The following RANBP3L variants were observed in gnomAD, a reference collection of about 807,000 sequenced individuals.
The protein encoded by RANBP3L is ran-binding protein 3-like.
RANBP3L carries 56 observed loss-of-function variants against 67.2 expected under a neutral mutation model. The ratio of observed to expected loss-of-function variants is 0.83; its 90% CI spans 0.67 to 1.04. RANBP3L has a LOEUF of 1.04. Among genes scored for constraint, RANBP3L ranks in the 50% least tolerant of loss-of-function variants. The pLI is 0.00. For missense variants in RANBP3L, 496 were observed against 535.5 expected, an observed-to-expected ratio of 0.93 and a Z score of 0.73; for synonymous variants, 164 against 181.4, an observed-to-expected ratio of 0.90 and a Z score of 0.77.
chr5:36,291,152 A>G (rs1751724596), intron 1 of RANBP3L, among the ~76,000 whole-genome samples: 2 of 151,748 alleles, frequency 1.3e-5, no homozygotes, highest in African/African-American at 2.4e-5. Context: ...TGTATAACCA[A>G]TCTCCAGAAC....
rs1748399927 is a variant in RANBP3L, at chr5:36,248,416, T to C, written c.*1238A>G. On this transcript the variant is annotated 3_prime_UTR_variant, in exon 14 of 14. Coordinates refer to ENST00000296604, the MANE Select transcript of RANBP3L (RefSeq NM_145000.5). ...TAATTTAAATTTCATATGCTAAACT[T>C]TCAGGCAGTAGCTGAAGTTTGACTT... 6.6e-6 allele frequency: 1 copy of C among 152,188 alleles called. No individual in the cohort carries two copies. The highest frequency in any genetic ancestry group is 2.4e-5 in the African/African-American group (1 of 41,464). The allele number at this position is 152,188 out of a possible 1,614,324, so 9.4% of individuals were successfully genotyped here.
At position 36,257,573 on chromosome 5, in the gene RANBP3L, A is replaced by G; in HGVS notation, c.670-17T>C. On this transcript the variant is annotated splice_polypyrimidine_tract_variant and intron_variant, in intron 8 of 13. Coordinates refer to ENST00000296604, the MANE Select transcript of RANBP3L (RefSeq NM_145000.5). ...TTGAGTACCCTGAGAGCGGAAAAAGATGCATTATTTTATTTAATAAAAGTT... is the reference window on the plus strand; with the variant it reads ...TTGAGTACCCTGAGAGCGGAAAAAGGTGCATTATTTTATTTAATAAAAGTT... The G allele has an allele frequency of 3.5e-6, 4 of 1,133,022 alleles. No individual in the cohort carries two copies. The highest frequency in any genetic ancestry group is 5.1e-6 in the Non-Finnish European group (4 of 778,832). The allele number at this position is 1,133,022 out of a possible 1,614,324, so 70.2% of individuals were successfully genotyped here.
At position 36,249,553 on chromosome 5, in the gene RANBP3L, T is replaced by C; in HGVS notation, c.*101A>G. On this transcript the variant is annotated 3_prime_UTR_variant, in exon 14 of 14. Transcript: ENST00000296604. ...TTCTTAAACTTTTCTATAAAAACTC[T>C]TCAAGGAATGAATAGAATCTTCTCA... The C allele has an allele frequency of 1.9e-6, 1 of 536,004 alleles. No individual in the cohort carries two copies. The allele number at this position is 536,004 out of a possible 1,614,324, so 33.2% of individuals were successfully genotyped here.
chr5:36,265,347 G>T, intron 5 of RANBP3L, 102 bp downstream of exon 5: 1 of 785,082 alleles, frequency 1.3e-6, no homozygotes, highest in South Asian at 1.9e-5. Flanking sequence ...TTGTCACTCT[G>T]ACCTACCTCC....
intron 1 of RANBP3L, among the ~76,000 whole-genome samples, chr5:36,280,326 C>T (rs1293566832): frequency 6.6e-6 from 1 of 152,178 alleles, no homozygotes; most frequent in Non-Finnish European, 1.5e-5. Flanking sequence ...TCACCCCAAA[C>T]GTAACTCCAA....
chr5:36,253,669 C>T lies in RANBP3L; in HGVS notation c.1145G>A (p.Ser382Asn). Residue 382 changes from serine to asparagine, a missense_variant, in exon 12 of 14, where the codon AGC becomes AAC. Ser to Asn is a conservative substitution (Grantham distance 46). Coordinates refer to ENST00000296604, the MANE Select transcript of RANBP3L (RefSeq NM_145000.5). The part of the protein sequence containing the change: ...RITATDLEDY[S>N]IKIFLIQASA... ...TACCTGAATTAAAAATATTTTGATG[C>T]TATAGTCTTCTAAATCAGTAGCTGT... 1.2e-6 allele frequency: 2 copies of T among 1,607,290 alleles called. No individual in the cohort carries two copies. Among genetic ancestry groups the T allele is most frequent in the East Asian group, 2.2e-5 (1 of 44,798 alleles).
chr5:36,295,243 T>A (rs1752121259), intron 1 of RANBP3L, among the ~76,000 whole-genome samples: 1 of 152,080 alleles, frequency 6.6e-6, no homozygotes, highest in South Asian at 2.1e-4. Context: ...TCATCTTGAA[T>A]TGTAGTTCCC....
At chr5:36,290,276 GAC>G (rs1344203889) in intron 1 of RANBP3L, among the ~76,000 whole-genome samples, 1 of 148,374 alleles carries the variant, frequency 6.7e-6, no homozygotes, top group East Asian at 2.0e-4. Flanking sequence ...GGAGTGCAGT[GAC>G]ACAGTCTTGA....
chr5:36,261,425 C>T (rs62356095), intron 7 of RANBP3L, among the ~76,000 whole-genome samples: 10 of 152,160 alleles, frequency 6.6e-5, no homozygotes, highest in Non-Finnish European at 1.3e-4. Flanking sequence ...TAGAAGGCAC[C>T]TGCTACCGCA....
rs1469875203 is a variant in RANBP3L at position 36,253,793 on chromosome 5, A to C, written c.1025-4T>G. The C allele has an allele frequency of 6.2e-7, 1 of 1,612,086 alleles. No homozygotes were observed. Among genetic ancestry groups the C allele is most frequent in the East Asian group, 2.2e-5 (1 of 44,824 alleles). ...AGACTGCCTTGATTGCGCATAACTA[A>C]AATAGGAAGGTGACTACATCAGGCC... On this transcript the variant is annotated splice_region_variant and splice_polypyrimidine_tract_variant and intron_variant, in intron 11 of 13. Transcript: ENST00000296604.
At chr5:36,268,421 G>A (rs923620353) in intron 4 of RANBP3L, among the ~76,000 whole-genome samples, 4 of 152,122 alleles carry the variant, frequency 2.6e-5, no homozygotes, top group Non-Finnish European at 5.9e-5. Flanking sequence ...TGATGAAGAT[G>A]ATAAATTAAT....
At chr5:36,273,734 A>C (rs1750385701) in intron 1 of RANBP3L, among the ~76,000 whole-genome samples, 1 of 152,234 alleles carries the variant, frequency 6.6e-6, no homozygotes, top group Non-Finnish European at 1.5e-5. Flanking sequence ...ATATTTTTAA[A>C]ATGTAGCCTT....
chr5:36,286,175 G>T (rs374771765), intron 1 of RANBP3L, among the ~76,000 whole-genome samples: 2 of 152,094 alleles, frequency 1.3e-5, no homozygotes, highest in African/African-American at 4.8e-5. Context: ...TTTACCCTAA[G>T]ATTTGCTTTA....
intron 13 of RANBP3L, among the ~76,000 whole-genome samples, chr5:36,250,465 C>A (rs1281528525): frequency 6.6e-6 from 1 of 151,822 alleles, no homozygotes; most frequent in African/African-American, 2.4e-5. Flanking sequence ...TATGTACGTT[C>A]TTTGATAGAT....
At chr5:36,266,875 G>GC (rs1749831272) in intron 4 of RANBP3L, among the ~76,000 whole-genome samples, 1 of 151,820 alleles carries the variant, frequency 6.6e-6, no homozygotes, top group Non-Finnish European at 1.5e-5. Context: ...TCTTGCCTCA[G>GC]CGCCCCAAGT....
intron 6 of RANBP3L, 48 bp from the exon 7 acceptor site, chr5:36,262,090 A>G: frequency 1.1e-6 from 1 of 892,068 alleles, no homozygotes; most frequent in East Asian, 2.4e-5. Context: ...CTACCTTACT[A>G]TAGGACCATC....
chr5:36,285,894 G>A (rs1238797448), intron 1 of RANBP3L, among the ~76,000 whole-genome samples: 1 of 152,156 alleles, frequency 6.6e-6, no homozygotes, highest in Non-Finnish European at 1.5e-5. Context: ...ACACTTGCTA[G>A]TCTTACACAA....
In RANBP3L at chr5:36,248,348, G is replaced by T. The variant is rs546081543; in HGVS notation, c.*1306C>A. On this transcript the variant is annotated 3_prime_UTR_variant, in exon 14 of 14. Coordinates refer to ENST00000296604, the MANE Select transcript of RANBP3L (RefSeq NM_145000.5). ...TTATGCTTTCTCAGTTATAAGGAAG[G>T]ACAAAATGTTGAACAATTGTCATAA... is the stretch of plus-strand genomic sequence containing the variant. 6.6e-6 allele frequency: 1 copy of T among 152,254 alleles called. No individual in the cohort carries two copies. Among genetic ancestry groups the T allele is most frequent in the South Asian group, 2.1e-4 (1 of 4,822 alleles). 9.4% of individuals were successfully genotyped at this position (152,254 alleles called of 1,614,324 possible).
intron 1 of RANBP3L, among the ~76,000 whole-genome samples, chr5:36,294,145 G>A (rs928846900): frequency 1.2e-3 from 187 of 152,160 alleles, no homozygotes; most frequent in Non-Finnish European, 2.3e-3. Flanking sequence ...TGTATGTATC[G>A]AGGAATTTAT....
Sources: gnomAD v4.1 joint callset for allele counts (sites outside exome capture counted in the v4.1 genomes callset) on GRCh38, gnomAD v4.1.1 for gene constraint, MANE v1.5 for transcripts, NCBI Gene and HGNC (gene_info 2026-07-23, HGNC 2026-07-21) for gene names.